Variants in LHPP observed in about 807,000 individuals in gnomAD.
LHPP encodes the protein phospholysine phosphohistidine inorganic pyrophosphate phosphatase.
A neutral mutation model predicts 30.3 loss-of-function variants in LHPP; 24 were observed. The ratio of observed to expected loss-of-function variants is 0.79; its 90% confidence interval spans 0.57 to 1.11. LHPP has a LOEUF of 1.11. Ranked by LOEUF, LHPP falls within the 50% of genes most tolerant of loss-of-function variation. The probability of loss-of-function intolerance (pLI) is 0.00; values close to 1 mark genes in which losing one functional copy is unlikely to be tolerated. For missense variants in LHPP, 356 were observed against 367.2 expected (o/e 0.97, Z 0.25); for synonymous variants, 150 against 157.1 (o/e 0.95, Z 0.34).
At chr10:124,558,008 T>C (rs1948332233) in intron 6 of LHPP, among the ~76,000 whole-genome samples, 1 of 152,180 alleles carries the variant, frequency 6.6e-6, no homozygotes, top group Non-Finnish European at 1.5e-5. Context: ...ACATGGAGCC[T>C]GTCCTCTTGT....
chr10:124,537,799 G>A (rs923073919), intron 6 of LHPP, among the ~76,000 whole-genome samples: 18 of 152,252 alleles, frequency 1.2e-4, no homozygotes, highest in African/African-American at 3.6e-4. Context: ...TCACGGGTGC[G>A]AGTAATTTAG....
chr10:124,518,885 C>T (rs545607069), intron 6 of LHPP, among the ~76,000 whole-genome samples: 3 of 152,336 alleles, frequency 2.0e-5, no homozygotes, highest in East Asian at 3.9e-4. Context: ...AAGAAGAGTA[C>T]GAGGTGGGCA....
chr10:124,482,997 C>T (rs11245135), intron 1 of LHPP, among the ~76,000 whole-genome samples: 20,751 of 152,182 alleles, frequency 0.14, 1,823 homozygotes, highest in Non-Finnish European at 0.19. Flanking sequence ...ACGTAGTAGG[C>T]GCTCAGTGAC....
intron 6 of LHPP, among the ~76,000 whole-genome samples, chr10:124,570,493 C>T (rs931966020): frequency 1.3e-5 from 2 of 152,216 alleles, no homozygotes; most frequent in African/African-American, 4.8e-5. Context: ...CCATACAATT[C>T]CTCTTAAAAT....
intron 1 of LHPP, among the ~76,000 whole-genome samples, chr10:124,475,355 C>A (rs1952911864): frequency 1.3e-5 from 2 of 151,788 alleles, no homozygotes; most frequent in East Asian, 4.0e-4. Context: ...GCCTGGCCAA[C>A]ATGGTGAAAC....
chr10:124,579,043 T>A (rs1047428020), intron 6 of LHPP, among the ~76,000 whole-genome samples: 1 of 152,226 alleles, frequency 6.6e-6, no homozygotes, highest in South Asian at 2.1e-4. Context: ...CCAGGCACAG[T>A]CACTGGGTCT....
At chr10:124,577,287 C>T (rs532646882) in intron 6 of LHPP, among the ~76,000 whole-genome samples, 8 of 152,324 alleles carry the variant, frequency 5.3e-5, no homozygotes, top group South Asian at 2.1e-4. Context: ...CCATCCCCAG[C>T]GTCCACCCCA....
In LHPP at chr10:124,496,242, T is replaced by C. The variant is rs1014057798; in HGVS notation, c.468-719T>C. On this transcript the variant is annotated intron_variant, in intron 3 of 6. Coordinates refer to ENST00000368842, the MANE Select transcript of LHPP (RefSeq NM_022126.4). This position sits in a 1 kb window ranked among gnomAD's most constrained non-coding sequence, Gnocchi z 4.3. ...CCAGAGCCAGGTCTGGCCCACCATG[T>C]GTCTGGACTGTGAGTGCCTTGAGGC... is the stretch of plus-strand genomic sequence containing the variant. Among the ~76,000 whole-genome samples, 1 of 152,338 alleles carries C rather than the reference T, an allele frequency of 6.6e-6. No homozygotes were observed. Among genetic ancestry groups the C allele is most frequent in the East Asian group, 1.9e-4 (1 of 5,180 alleles).
At chr10:124,603,940 C>G (rs1168422334) in intron 6 of LHPP, among the ~76,000 whole-genome samples, 1 of 152,196 alleles carries the variant, frequency 6.6e-6, no homozygotes, top group Non-Finnish European at 1.5e-5. Flanking sequence ...TGCTAAGGCC[C>G]GGGCCTGGGG....
chr10:124,541,587 C>A lies in LHPP; in HGVS notation c.716+24316C>A, dbSNP rs566254956. ...GAAAGTCTCATGCCTGTCTGCAGGA[C>A]CCCCGCGTGAGCCTGGGACCACCCG... is the stretch of plus-strand genomic sequence containing the variant. On this transcript the variant is annotated intron_variant, in intron 6 of 6. Coordinates refer to ENST00000368842, the MANE Select transcript of LHPP (RefSeq NM_022126.4). This position sits in a 1 kb window ranked among gnomAD's most constrained non-coding sequence, Gnocchi z 4.2. Among the ~76,000 whole-genome samples the A allele has an allele frequency of 5.3e-5, 8 of 152,092 alleles. No homozygotes were observed. Among genetic ancestry groups the A allele is most frequent in the Non-Finnish European group, 1.0e-4 (7 of 68,016 alleles).
Position 124,590,100 on chromosome 10 carries a change from A to G in LHPP, c.717-23164A>G, listed in dbSNP as rs1004257238. Among the ~76,000 whole-genome samples, 1 of 152,170 alleles carries G rather than the reference A, an allele frequency of 6.6e-6. No homozygotes were observed. Among genetic ancestry groups the G allele is most frequent in the African/African-American group, 2.4e-5 (1 of 41,424 alleles). On this transcript the variant is annotated intron_variant, in intron 6 of 6. Transcript: ENST00000368842. The surrounding 1 kb of genome is among the most constrained non-coding windows in gnomAD (Gnocchi z 4.3). ...TTTTTATCCATCGTTCTTTCCAAAGAATAGTGTGAACAGCTCATTCGATTC... is the reference window on the plus strand; with the variant it reads ...TTTTTATCCATCGTTCTTTCCAAAGGATAGTGTGAACAGCTCATTCGATTC...
chr10:124,529,722 C>T (rs1352647996), intron 6 of LHPP, among the ~76,000 whole-genome samples: 2 of 152,144 alleles, frequency 1.3e-5, no homozygotes, highest in Non-Finnish European at 1.5e-5. Flanking sequence ...CATCCCCTCT[C>T]CCTGGAGCCA....
chr10:124,544,825 C>T (rs891237688), intron 6 of LHPP, among the ~76,000 whole-genome samples: 5 of 152,342 alleles, frequency 3.3e-5, no homozygotes, highest in South Asian at 4.1e-4. Flanking sequence ...CTGCTCAGGG[C>T]GTGGCTGTCC....
At chr10:124,525,039 G>A (rs549793332) in intron 6 of LHPP, among the ~76,000 whole-genome samples, 4 of 152,362 alleles carry the variant, frequency 2.6e-5, no homozygotes, top group South Asian at 4.1e-4. Flanking sequence ...AGGCGGCCCC[G>A]CCTTGCCGTG....
At chr10:124,494,972 G>C (rs1422667140) in intron 3 of LHPP, among the ~76,000 whole-genome samples, 1 of 152,144 alleles carries the variant, frequency 6.6e-6, no homozygotes, top group Non-Finnish European at 1.5e-5. Flanking sequence ...CAGGCCCCAG[G>C]ACCCGGTGTC....
At chr10:124,563,308 T>A (rs867652075) in intron 6 of LHPP, among the ~76,000 whole-genome samples, 9 of 145,730 alleles carry the variant, frequency 6.2e-5, no homozygotes, top group Non-Finnish European at 9.0e-5. Context: ...TCTCTCTCTC[T>A]TTTTCTTTTT....
At chr10:124,555,140 A>G (rs956262228) in intron 6 of LHPP, among the ~76,000 whole-genome samples, 2 of 151,990 alleles carry the variant, frequency 1.3e-5, no homozygotes, top group African/African-American at 4.8e-5. Flanking sequence ...CTGCCTCCCG[A>G]GTGGAGGCCC....
At chr10:124,463,328 G>A (rs1270963767) in intron 1 of LHPP, among the ~76,000 whole-genome samples, 1 of 151,732 alleles carries the variant, frequency 6.6e-6, no homozygotes, top group Non-Finnish European at 1.5e-5. Context: ...AGAGGAGGAG[G>A]AAGAGAACAT....
At chr10:124,609,651 G>A (rs1389049041) in intron 6 of LHPP, among the ~76,000 whole-genome samples, 2 of 152,184 alleles carry the variant, frequency 1.3e-5, no homozygotes, top group Non-Finnish European at 2.9e-5. Context: ...GAACATTCCT[G>A]GCACCCCTAT....
Sources: allele counts gnomAD v4.1 joint callset (sites outside exome capture counted in the v4.1 genomes callset), GRCh38; gene constraint gnomAD v4.1.1; non-coding constraint Gnocchi (gnomAD v3.1); transcripts MANE v1.5; gene names NCBI Gene and HGNC (gene_info 2026-07-23, HGNC 2026-07-21).